GGNBP2: variants seen among roughly 807,000 people sequenced by gnomAD.
GGNBP2 encodes gametogenetin binding protein 2.
Under a neutral mutation model 85.9 loss-of-function variants are expected in GGNBP2, and 10 were observed. That is an observed-to-expected ratio of 0.12 (90% CI 0.07 to 0.20). The LOEUF (loss-of-function observed/expected upper bound fraction) is 0.20, where lower values mean the gene tolerates loss of function less well. GGNBP2 is among the 10% of genes least tolerant of loss of function. GGNBP2 has a pLI of 1.00. For synonymous variants in GGNBP2, 287 were observed against 285.7 expected (o/e 1.00, Z -0.05); for missense variants, 595 against 857.8 (o/e 0.69, Z 3.83).
chr17:36,558,232 G>A (rs1347975635), intron 4 of GGNBP2, among the ~76,000 whole-genome samples: 1 of 151,522 alleles, frequency 6.6e-6, no homozygotes, highest in Non-Finnish European at 1.5e-5. Flanking sequence ...TGGGCAACAC[G>A]CTGAAACCGA....
In GGNBP2 at chr17:36,585,992, AT is replaced by A. The variant is rs766019386; in HGVS notation, c.1492+30del. The A allele has an allele frequency of 1.6e-5, 26 of 1,613,952 alleles. No individual in the cohort carries two copies. In the African/African-American group the frequency reaches 2.8e-4, roughly 17 times the overall value. On this transcript the variant is annotated intron_variant, in intron 11 of 13. Coordinates refer to ENST00000613102, the MANE Select transcript of GGNBP2 (RefSeq NM_024835.5). ...TAGGCTCACATTAAGTTTCCCAGTT[AT>A]TTCTACTACATGGCTGACTTAAGAA...
chr17:36,571,760 G>A (rs2074527161), intron 6 of GGNBP2, among the ~76,000 whole-genome samples: 1 of 152,070 alleles, frequency 6.6e-6, no homozygotes, highest in Admixed American at 6.6e-5. Flanking sequence ...GGAGAATGGC[G>A]TGAACCGAGG....
At chr17:36,569,272 C>T (rs2074499093) in intron 6 of GGNBP2, among the ~76,000 whole-genome samples, 1 of 152,118 alleles carries the variant, frequency 6.6e-6, no homozygotes, top group African/African-American at 2.4e-5. Flanking sequence ...ATTAGCCAGG[C>T]ATGGTGGCAC....
chr17:36,551,705 A>G (rs1433563533), intron 2 of GGNBP2, among the ~76,000 whole-genome samples: 1 of 151,814 alleles, frequency 6.6e-6, no homozygotes, highest in Non-Finnish European at 1.5e-5. Context: ...TTAGCTGGGC[A>G]TGGTGGTACG....
chr17:36,580,918 C>CA lies in GGNBP2; in HGVS notation c.1021-412dup, dbSNP rs201738616. Among the ~76,000 whole-genome samples, 135 of 133,858 alleles carry CA rather than the reference C, an allele frequency of 1.0e-3. 1 individual carries two copies. The highest frequency in any genetic ancestry group is 3.9e-3 in the Middle Eastern group (1 of 256). The allele number at this position is 133,858 out of a possible 152,430, so 87.8% of individuals were successfully genotyped here. A position where few individuals can be genotyped will look rare whatever the true frequency, so the allele number is the denominator to read the frequency against. ...TGGGCGATGGAGCAAGACTCTGTCT[C>CA]AAAAAAAAAAAAAATTCTGAAATTT... On this transcript the variant is annotated intron_variant, in intron 8 of 13. Transcript: ENST00000613102.
rs1488269109 is a variant in GGNBP2 at position 36,589,473 on chromosome 17, C to CG, written c.*63dup. On this transcript the variant is annotated 3_prime_UTR_variant, in exon 14 of 14. Coordinates refer to ENST00000613102, the MANE Select transcript of GGNBP2 (RefSeq NM_024835.5). ...ACGATGACTACTGCGCCTTCTCTTT[C>CG]GAAAAACTCTTAATTTAGTGACTTA... 1 of 1,302,770 alleles carries CG rather than the reference C, an allele frequency of 7.7e-7. No homozygotes were observed. The highest frequency in any genetic ancestry group is 1.5e-5 in the African/African-American group (1 of 67,710). 80.7% of individuals were successfully genotyped at this position (1,302,770 alleles called of 1,614,324 possible).
chr17:36,559,088 T>G (rs2074391570), intron 4 of GGNBP2, among the ~76,000 whole-genome samples: 1 of 151,484 alleles, frequency 6.6e-6, no homozygotes, highest in Non-Finnish European at 1.5e-5. Flanking sequence ...TCACCAGAGG[T>G]CAGGAGTCTG....
rs763138259 is a variant in GGNBP2, at chr17:36,545,852, C to T, written c.93+35C>T. 4 of 1,457,032 alleles carry T rather than the reference C, an allele frequency of 2.7e-6. No homozygotes were observed. The South Asian group carries it at 3.7e-5, about 13-fold the overall frequency. 90.3% of individuals were successfully genotyped at this position (1,457,032 alleles called of 1,614,324 possible). ...CCGGGCCGGGCTGGGCCCGCCGCTC[C>T]CCTGGCAGCTGTTTCCCCTCCTCCC... On this transcript the variant is annotated intron_variant, in intron 2 of 13. Transcript: ENST00000613102.
intron 3 of GGNBP2, among the ~76,000 whole-genome samples, chr17:36,556,572 T>C (rs1379620515): frequency 6.6e-6 from 1 of 151,950 alleles, no homozygotes; most frequent in Non-Finnish European, 1.5e-5. Context: ...GGCGTGGTGG[T>C]GCACACCTGT....
chr17:36,568,126 A>C (rs533904854), intron 6 of GGNBP2, among the ~76,000 whole-genome samples: 2 of 152,044 alleles, frequency 1.3e-5, no homozygotes, highest in Admixed American at 1.3e-4. Flanking sequence ...GGGTTTCACC[A>C]TGTTGGCCAG....
In GGNBP2 at chr17:36,557,260, C is replaced by T. The variant is rs1374070000; in HGVS notation, c.352C>T (p.Pro118Ser). ...TGCTCTTGAACCCCTAACAGTAGGG[C>T]CCAAGGGAGTCCTGTCTGTAACTAG... is the stretch of plus-strand genomic sequence containing the variant. ...NPALEPLTVGPKGVLSVTRSC... is the reference protein window; with the variant it reads ...NPALEPLTVGSKGVLSVTRSC... The change falls in exon 4 of 14, where the codon CCC becomes TCC. Residue 118 changes from proline (P) to serine (S), a missense_variant. Transcript: ENST00000613102. 3 of 1,613,788 alleles carry T rather than the reference C, an allele frequency of 1.9e-6. No individual in the cohort carries two copies. The highest frequency in any genetic ancestry group is 3.3e-5 in the Admixed American group (2 of 59,962).
rs1011612255 is a variant in GGNBP2, at chr17:36,575,360, TTTGTTG to T, written c.642-2621_642-2616del. 112 of 351,546 alleles carry T rather than the reference TTTGTTG, an allele frequency of 3.2e-4. No individual in the cohort carries two copies. In the Middle Eastern group the frequency reaches 7.5e-3, roughly 24 times the overall value. The allele number at this position is 351,546 out of a possible 1,614,324, so 21.8% of individuals were successfully genotyped here. On this transcript the variant is annotated intron_variant, in intron 6 of 13. Transcript: ENST00000613102. ...TCTCAGAGAAGCATCTATTTTTGTTTTTGTTGTGCATGTGTGCTTTTGGTGTCATAG... is the reference window on the plus strand; with the variant it reads ...TCTCAGAGAAGCATCTATTTTTGTTTTGCATGTGTGCTTTTGGTGTCATAG...
intron 6 of GGNBP2, chr17:36,577,734 G>A: frequency 1.8e-6 from 1 of 546,198 alleles, no homozygotes; most frequent in Non-Finnish European, 3.3e-6. Context: ...TAATAGGTAT[G>A]TATCTGCCTC....
At position 36,554,877 on chromosome 17, in the gene GGNBP2, G is replaced by A. The variant is rs1304399810; in HGVS notation, c.151G>A (p.Ala51Thr). ...TCTCGATGGACATCAGAATAATGGT[G>A]CACAGCTAAAGCAGTTCATTCAGGT... The part of the protein sequence containing the change: ...LNLDGHQNNG[A>T]QLKQFIQRHG... Residue 51 changes from alanine (A) to threonine (T), a missense_variant, in exon 3 of 14, where the codon GCA becomes ACA. By Grantham distance (58) the Ala-to-Thr change is moderately conservative. Coordinates refer to ENST00000613102, the MANE Select transcript of GGNBP2 (RefSeq NM_024835.5). 1.2e-6 allele frequency: 2 copies of A among 1,605,628 alleles called. No homozygotes were observed. The highest frequency in any genetic ancestry group is 2.7e-5 in the African/African-American group (2 of 74,740).
At chr17:36,555,344 TG>T (rs2074351688) in intron 3 of GGNBP2, among the ~76,000 whole-genome samples, 1 of 152,122 alleles carries the variant, frequency 6.6e-6, no homozygotes, top group Non-Finnish European at 1.5e-5. Context: ...TCAGTATCCG[TG>T]GGGGATAGTT....
Position 36,589,406 on chromosome 17 carries a change from A to C in GGNBP2, c.2089A>C (p.Asn697His). 1 of 1,608,760 alleles carries C rather than the reference A, an allele frequency of 6.2e-7. No homozygotes were observed. Among genetic ancestry groups the C allele is most frequent in the Non-Finnish European group, 8.5e-7 (1 of 1,175,704 alleles). The change falls in exon 14 of 14, where the codon AAT becomes CAT. Residue 697 changes from asparagine to histidine, a missense_variant. Coordinates refer to ENST00000613102, the MANE Select transcript of GGNBP2 (RefSeq NM_024835.5). ...CSGWLTTAGA[N>H] Reference sequence around the variant, plus strand: ...TGGCTGGTTGACAACGGCTGGAGCAAATTAAATAAATAAAATAGCTCTGTC... The same window carrying C: ...TGGCTGGTTGACAACGGCTGGAGCACATTAAATAAATAAAATAGCTCTGTC...
chr17:36,557,246 C>T lies in GGNBP2; in HGVS notation c.338C>T (p.Pro113Leu). The stretch of plus-strand genomic sequence containing the variant: ...GAGTCTGGAAATCCTGCTCTTGAAC[C>T]CCTAACAGTAGGGCCCAAGGGAGTC... ...LVESGNPALEPLTVGPKGVLS... is the reference protein window; with the variant it reads ...LVESGNPALELLTVGPKGVLS... Residue 113 changes from proline (P) to leucine (L), a missense_variant, in exon 4 of 14, where the codon CCC (proline) becomes CTC (leucine). Pro to Leu is a moderately conservative substitution (Grantham distance 98). Around this residue, in one of 9 missense-constraint regions of GGNBP2, gnomAD observed 216 missense variants for 293.4 expected, o/e 0.74. Transcript: ENST00000613102. 6.2e-7 allele frequency: 1 copy of T among 1,614,090 alleles called. No individual in the cohort carries two copies.
chr17:36,545,839 G>A, intron 2 of GGNBP2, 22 bp downstream of exon 2: 7 of 1,483,460 alleles, frequency 4.7e-6, no homozygotes, highest in Non-Finnish European at 6.4e-6. Flanking sequence ...GGGCCGGGCT[G>A]GGCCCGCCGC....
intron 9 of GGNBP2, 192 bp downstream of exon 9, chr17:36,581,730 TA>T (rs1480082627): frequency 2.4e-5 from 9 of 373,548 alleles, no homozygotes; most frequent in East Asian, 8.0e-5. Context: ...TATTTTATTT[TA>T]TTTTTTTAAT....
Sources: allele counts gnomAD v4.1 joint callset (sites outside exome capture counted in the v4.1 genomes callset), GRCh38; gene constraint gnomAD v4.1.1; regional missense constraint gnomAD v4.1.1; transcripts MANE v1.5; gene names NCBI Gene and HGNC (gene_info 2026-07-23, HGNC 2026-07-21).